MS4A4A: variants seen among roughly 807,000 people sequenced by gnomAD.
MS4A4A encodes the protein membrane-spanning 4-domains subfamily A member 4A.
A neutral mutation model predicts 28.0 loss-of-function variants in MS4A4A; 26 were observed. The ratio of observed to expected loss-of-function variants is 0.93; its 90% CI spans 0.68 to 1.29. MS4A4A has a LOEUF of 1.29. Among genes scored for constraint, MS4A4A ranks in the 50% most tolerant of loss-of-function variants. MS4A4A has a pLI of 0.00. For synonymous variants in MS4A4A, 86 were observed against 100.8 expected (o/e 0.85, Z 0.88); for missense variants, 290 against 293.1 (o/e 0.99, Z 0.08).
intron 3 of MS4A4A, among the ~76,000 whole-genome samples, chr11:60,300,647 T>C (rs1382703374): frequency 2.2e-5 from 3 of 137,048 alleles, no homozygotes; most frequent in African/African-American, 8.2e-5. Context: ...AAAAAAATTC[T>C]AAATGAGAAT....
At chr11:60,302,134 C>T (rs76681482) in intron 4 of MS4A4A, among the ~76,000 whole-genome samples, 2,671 of 152,072 alleles carry the variant, frequency 0.018, 77 homozygotes, top group African/African-American at 0.061. Flanking sequence ...GAGAAGAGAA[C>T]GTACAGAAAA....
chr11:60,298,317 G>C (rs964989269), intron 3 of MS4A4A, among the ~76,000 whole-genome samples: 8 of 152,142 alleles, frequency 5.3e-5, no homozygotes, highest in Non-Finnish European at 1.2e-4. Flanking sequence ...TTATAGAAGA[G>C]CTTGCTTTTT....
rs372227706 is a variant in MS4A4A at position 60,292,301 on chromosome 11, C to A, written c.118C>A (p.Leu40Met). The A allele has an allele frequency of 2.4e-5, 39 of 1,609,142 alleles. No individual in the cohort carries two copies. The South Asian group carries it at 3.5e-4, about 15-fold the overall frequency. Residue 40 changes from leucine (L) to methionine (M), a missense_variant, in exon 2 of 7, where the codon CTG becomes ATG. Coordinates refer to ENST00000337908, the MANE Select transcript of MS4A4A (RefSeq NM_148975.3). ...AGGGGCTGGCCCTGGTGTGCCCCAGCTGGGAAACATGGCTGTCATACATTC... is the reference window on the plus strand; with the variant it reads ...AGGGGCTGGCCCTGGTGTGCCCCAGATGGGAAACATGGCTGTCATACATTC... Reference protein sequence around the residue: ...MPGAGPGVPQLGNMAVIHSHL... With the variant: ...MPGAGPGVPQMGNMAVIHSHL...
At position 60,308,149 on chromosome 11, in the gene MS4A4A, G is replaced by A; in HGVS notation, c.691G>A (p.Ala231Thr). The part of the protein sequence containing the change: ...LPSHSHMAET[A>T]SPTPLNEV ...ATCACATTCTCACATGGCAGAAACA[G>A]CATCTCCCACACCACTTAATGAGGT... The change falls in exon 7 of 7, where the codon GCA becomes ACA. Residue 231 changes from alanine to threonine, a missense_variant. Physicochemically the swap from Ala to Thr is moderately conservative, Grantham distance 58. Transcript: ENST00000337908. 1 of 1,614,046 alleles carries A rather than the reference G, an allele frequency of 6.2e-7. No individual in the cohort carries two copies. The highest frequency in any genetic ancestry group is 1.1e-5 in the South Asian group (1 of 91,068).
intron 2 of MS4A4A, among the ~76,000 whole-genome samples, chr11:60,294,661 T>C (rs2084886274): frequency 6.6e-6 from 1 of 152,124 alleles, no homozygotes; most frequent in Non-Finnish European, 1.5e-5. Flanking sequence ...TCTTTTATTC[T>C]TACTTATGGA....
In MS4A4A at chr11:60,300,300, T is replaced by C. The variant is rs551636908; in HGVS notation, c.331-701T>C. ...TCATCTAATTGGGAATTTACATTTT[T>C]TTGCTACTATTTTGCTTATAAGTTT... On this transcript the variant is annotated intron_variant, in intron 3 of 6. Transcript: ENST00000337908. Among the ~76,000 whole-genome samples the C allele has an allele frequency of 3.9e-4, 60 of 152,288 alleles. 2 individuals carry two copies. The South Asian group carries it at 0.012, about 31-fold the overall frequency.
chr11:60,288,705 G>C (rs969865469), intron 1 of MS4A4A, among the ~76,000 whole-genome samples: 5 of 152,136 alleles, frequency 3.3e-5, no homozygotes, highest in East Asian at 3.9e-4. Flanking sequence ...GCTGTGTAAG[G>C]CTGGATGTAG....
chr11:60,298,310 T>C (rs1017779768), intron 3 of MS4A4A, among the ~76,000 whole-genome samples: 23 of 152,190 alleles, frequency 1.5e-4, no homozygotes, highest in African/African-American at 5.1e-4. Flanking sequence ...TAGAGTTTTA[T>C]AGAAGAGCTT....
At chr11:60,301,085 CA>C (rs760533307) in intron 4 of MS4A4A, 28 bp downstream of exon 4, 29 of 1,502,772 alleles carry the variant, frequency 1.9e-5, no homozygotes, top group South Asian at 2.5e-5. Flanking sequence ...TTTTTGGTAT[CA>C]AAAAAAGGAA....
intron 1 of MS4A4A, among the ~76,000 whole-genome samples, chr11:60,285,008 G>C (rs931623357): frequency 1.3e-5 from 2 of 152,034 alleles, no homozygotes; most frequent in Middle Eastern, 3.4e-3. Flanking sequence ...GAAGATATTC[G>C]GCCTTCCTCA....
At chr11:60,289,006 C>A (rs1590752154) in intron 1 of MS4A4A, among the ~76,000 whole-genome samples, 1 of 152,272 alleles carries the variant, frequency 6.6e-6, no homozygotes, top group African/African-American at 2.4e-5. Context: ...AGTTCCATGG[C>A]AGCCTGGCCT....
chr11:60,308,278 A>G lies in MS4A4A; in HGVS notation c.*100A>G, dbSNP rs896856387. On this transcript the variant is annotated 3_prime_UTR_variant, in exon 7 of 7. Transcript: ENST00000337908. ...TTACCAGTATCCAACTTCGATACTG[A>G]TAGACTTGTTGATATTATTATTATA... The G allele has an allele frequency of 2.0e-6, 2 of 993,686 alleles. No homozygotes were observed. Among genetic ancestry groups the G allele is most frequent in the Non-Finnish European group, 3.1e-6 (2 of 635,512 alleles). 61.6% of individuals were successfully genotyped at this position (993,686 alleles called of 1,614,324 possible).
chr11:60,296,611 T>C (rs2084907873), intron 2 of MS4A4A, among the ~76,000 whole-genome samples: 1 of 152,158 alleles, frequency 6.6e-6, no homozygotes, highest in South Asian at 2.1e-4. Flanking sequence ...CAATGCTATA[T>C]ATCTTCCTCT....
intron 1 of MS4A4A, among the ~76,000 whole-genome samples, chr11:60,284,393 A>T (rs904268411): frequency 3.9e-5 from 6 of 152,230 alleles, no homozygotes; most frequent in Non-Finnish European, 4.4e-5. Context: ...CTGCCACTCA[A>T]GGACATGCTA....
At position 60,308,391 on chromosome 11, in the gene MS4A4A, A is replaced by G; in HGVS notation, c.*213A>G. On this transcript the variant is annotated 3_prime_UTR_variant, in exon 7 of 7. Coordinates refer to ENST00000337908, the MANE Select transcript of MS4A4A (RefSeq NM_148975.3). ...TTTTTTCCCTGGAACTCAATAACTC[A>G]TTTCACTGGCTCTTTATCGAGAGTA... 1 of 478,512 alleles carries G rather than the reference A, an allele frequency of 2.1e-6. No individual in the cohort carries two copies. Among genetic ancestry groups the G allele is most frequent in the Non-Finnish European group, 3.7e-6 (1 of 273,044 alleles). The allele number at this position is 478,512 out of a possible 1,614,324, so 29.6% of individuals were successfully genotyped here.
chr11:60,292,519 C>T, intron 2 of MS4A4A, 135 bp downstream of exon 2: 1 of 854,722 alleles, frequency 1.2e-6, no homozygotes, highest in Non-Finnish European at 1.7e-6. Flanking sequence ...ACTTTTCAGG[C>T]TCTTCATCTG....
chr11:60,300,932 A>G, intron 3 of MS4A4A, 69 bp from the exon 4 acceptor site: 1 of 1,113,084 alleles, frequency 9.0e-7, no homozygotes. Flanking sequence ...TTTAGAATTA[A>G]GTTTAGTAAG....
chr11:60,289,035 C>T lies in MS4A4A; in HGVS notation c.42-3190C>T, dbSNP rs1322445870. Among the ~76,000 whole-genome samples the T allele has an allele frequency of 2.0e-5, 3 of 152,148 alleles. 1 individual carries two copies. Among genetic ancestry groups the T allele is most frequent in the East Asian group, 3.9e-4 (2 of 5,192 alleles). The stretch of plus-strand genomic sequence containing the variant: ...CTGGCCTCAGCAGGTAGAGAGTAGA[C>T]AGCAGCAGTTTGGCTCAGGTATGGC... On this transcript the variant is annotated intron_variant, in intron 1 of 6. Coordinates refer to ENST00000337908, the MANE Select transcript of MS4A4A (RefSeq NM_148975.3).
chr11:60,289,574 A>AGTGT (rs747454290), intron 1 of MS4A4A, among the ~76,000 whole-genome samples: 27 of 131,184 alleles, frequency 2.1e-4, no homozygotes, highest in African/African-American at 6.5e-4. Flanking sequence ...TGTTTTGGGG[A>AGTGT]GTGTGTGTGT....
Sources: allele counts gnomAD v4.1 joint callset (sites outside exome capture counted in the v4.1 genomes callset), GRCh38; gene constraint gnomAD v4.1.1; transcripts MANE v1.5; gene names NCBI Gene and HGNC (gene_info 2026-07-23, HGNC 2026-07-21).